Variants in PTPRN2 observed in about 807,000 individuals in gnomAD.
PTPRN2 encodes receptor-type tyrosine-protein phosphatase N2.
PTPRN2 carries 74 observed loss-of-function variants against 118.8 expected under a neutral mutation model. The ratio of observed to expected loss-of-function variants is 0.62; its 90% CI spans 0.52 to 0.76. The LOEUF (loss-of-function observed/expected upper bound fraction) is 0.76, where lower values mean the gene tolerates loss of function less well. Ranked by LOEUF, PTPRN2 falls within the 30% of genes least tolerant of loss-of-function variation. The probability of loss-of-function intolerance (pLI) is 0.00; values close to 1 mark genes in which losing one functional copy is unlikely to be tolerated. For synonymous variants in PTPRN2, 641 were observed against 608.0 expected, an observed-to-expected ratio of 1.05 and a Z score of -0.80; for missense variants, 1,481 against 1,394.4, an observed-to-expected ratio of 1.06 and a Z score of -0.99.
chr7:158,466,814 G>A (rs895844562), intron 2 of PTPRN2, among the ~76,000 whole-genome samples: 1 of 152,180 alleles, frequency 6.6e-6, no homozygotes, highest in Non-Finnish European at 1.5e-5. Flanking sequence ...GCTGAGGCGG[G>A]TGGATCACTT....
intron 2 of PTPRN2, among the ~76,000 whole-genome samples, chr7:158,331,049 T>C (rs58884123): frequency 1.0e-3 from 94 of 92,148 alleles, no homozygotes; most frequent in Middle Eastern, 7.2e-3. Flanking sequence ...AGGTGACACC[T>C]GCAGACGTCA....
At chr7:157,640,615 A>C (rs1804612661) in intron 14 of PTPRN2, among the ~76,000 whole-genome samples, 1 of 152,234 alleles carries the variant, frequency 6.6e-6, no homozygotes. Context: ...AAACTCCAAA[A>C]CAGTAAAGGT....
chr7:158,117,904 C>T (rs1816858585), intron 9 of PTPRN2, among the ~76,000 whole-genome samples: 1 of 152,116 alleles, frequency 6.6e-6, no homozygotes, highest in East Asian at 1.9e-4. Flanking sequence ...ACTAGACCTG[C>T]CTTGCAAGAA....
intron 2 of PTPRN2, among the ~76,000 whole-genome samples, chr7:158,341,962 A>G (rs201473730): frequency 3.5e-4 from 35 of 99,526 alleles, no homozygotes; most frequent in South Asian, 1.6e-3. Context: ...TCGCCCGCAG[A>G]CGTCACTCAC....
intron 3 of PTPRN2, among the ~76,000 whole-genome samples, chr7:158,232,237 T>A (rs1829203384): frequency 6.7e-6 from 1 of 150,282 alleles, no homozygotes; most frequent in African/African-American, 2.5e-5. Flanking sequence ...GGAAAGAAGA[T>A]CCAAATAAAT....
intron 1 of PTPRN2, among the ~76,000 whole-genome samples, chr7:158,510,584 C>G (rs1823107308): frequency 6.6e-6 from 1 of 152,168 alleles, no homozygotes. Flanking sequence ...TTTGAACTCC[C>G]TCTTCTATTC....
intron 21 of PTPRN2, among the ~76,000 whole-genome samples, chr7:157,559,471 G>T (rs1204871453): frequency 6.6e-6 from 1 of 152,194 alleles, no homozygotes; most frequent in African/African-American, 2.4e-5. Context: ...CAGAGTGGGT[G>T]GGAGCGAGAG....
intron 2 of PTPRN2, among the ~76,000 whole-genome samples, chr7:158,379,517 T>C (rs2151339620): frequency 6.6e-6 from 1 of 150,916 alleles, no homozygotes; most frequent in African/African-American, 2.4e-5. Context: ...TCCCAAGAAA[T>C]GGTACAGACG....
chr7:157,965,878 C>G (rs1024922277), intron 11 of PTPRN2, among the ~76,000 whole-genome samples: 1 of 152,150 alleles, frequency 6.6e-6, no homozygotes, highest in African/African-American at 2.4e-5. Flanking sequence ...AAAATGCCTC[C>G]AAATAAGTGT....
intron 3 of PTPRN2, among the ~76,000 whole-genome samples, chr7:158,308,536 GT>G (rs1364367903): frequency 2.0e-5 from 3 of 151,998 alleles, no homozygotes; most frequent in Non-Finnish European, 4.4e-5. Context: ...ATAAATCCAT[GT>G]TGATAAACAT....
intron 9 of PTPRN2, among the ~76,000 whole-genome samples, chr7:158,129,263 C>T (rs1026048633): frequency 3.3e-5 from 5 of 149,556 alleles, no homozygotes; most frequent in Non-Finnish European, 3.0e-5. Flanking sequence ...CACTACACAC[C>T]ACACACTACA....
At chr7:158,017,361 C>T (rs1209498232) in intron 11 of PTPRN2, among the ~76,000 whole-genome samples, 1 of 152,056 alleles carries the variant, frequency 6.6e-6, no homozygotes, top group African/African-American at 2.4e-5. Context: ...CCCAGCCCCT[C>T]CCTGGGGAGG....
At chr7:157,730,177 C>G (rs1799813034) in intron 12 of PTPRN2, among the ~76,000 whole-genome samples, 1 of 133,950 alleles carries the variant, frequency 7.5e-6, no homozygotes, top group Non-Finnish European at 1.6e-5. Flanking sequence ...CCCACTCAGG[C>G]CACCACCCCT....
At chr7:158,274,352 A>G (rs1798798484) in intron 3 of PTPRN2, among the ~76,000 whole-genome samples, 1 of 65,276 alleles carries the variant, frequency 1.5e-5, no homozygotes, top group South Asian at 4.1e-4. Flanking sequence ...GGAGAGCCAC[A>G]GACACAGGGG....
intron 14 of PTPRN2, among the ~76,000 whole-genome samples, chr7:157,638,908 G>C (rs1053949213): frequency 1.3e-5 from 2 of 152,238 alleles, no homozygotes; most frequent in African/African-American, 4.8e-5. Flanking sequence ...CAGAGGCAGA[G>C]CATTCTGGAC....
chr7:157,771,949 C>T (rs1802856225), intron 12 of PTPRN2, among the ~76,000 whole-genome samples: 1 of 136,092 alleles, frequency 7.3e-6, no homozygotes, highest in Non-Finnish European at 1.5e-5. Flanking sequence ...CATACAAAGA[C>T]ACACATACAG....
intron 12 of PTPRN2, among the ~76,000 whole-genome samples, chr7:157,816,290 C>T (rs1227393358): frequency 6.6e-6 from 1 of 152,198 alleles, no homozygotes; most frequent in African/African-American, 2.4e-5. Context: ...CTCTGCTGCT[C>T]GGTGTGGTCG....
At chr7:158,263,010 TCACA>T (rs539638887) in intron 3 of PTPRN2, among the ~76,000 whole-genome samples, 2 of 141,020 alleles carry the variant, frequency 1.4e-5, no homozygotes, top group East Asian at 2.1e-4. Context: ...ACACACACAT[TCACA>T]CACAGTGCAC....
rs754914406 is a variant in PTPRN2, at chr7:157,621,428, T to G, written c.2278A>C (p.Asn760His). The change falls in exon 15 of 23, where the codon AAC becomes CAC. Residue 760 changes from asparagine to histidine, a missense_variant. This residue lies in a region of PTPRN2 where 362 missense variants were observed against 384.1 expected (regional missense o/e 0.94). Transcript: ENST00000389418. ...EALCAYQAEP[N>H]SSFVAQREEN... ...TCCCTCTGGGCCACGAACGAGCTGT[T>G]GGGCTCCGCCTGGTAGGCGCACAGC... The G allele has an allele frequency of 6.2e-7, 1 of 1,613,852 alleles. No homozygotes were observed. Among genetic ancestry groups the G allele is most frequent in the Non-Finnish European group, 8.5e-7 (1 of 1,179,988 alleles).
Sources: gnomAD v4.1 joint callset for allele counts (sites outside exome capture counted in the v4.1 genomes callset) on GRCh38, gnomAD v4.1.1 for gene constraint, gnomAD v4.1.1 regional missense constraint, MANE v1.5 for transcripts, NCBI Gene and HGNC (gene_info 2026-07-23, HGNC 2026-07-21) for gene names.